The following CMTM8 variants were observed in gnomAD, a reference collection of about 807,000 sequenced individuals.
The protein encoded by CMTM8 is CKLF-like MARVEL transmembrane domain-containing protein 8.
A neutral mutation model predicts 18.6 loss-of-function variants in CMTM8; 12 were observed. The ratio of observed to expected loss-of-function variants is 0.65; its 90% CI spans 0.41 to 1.05. The LOEUF is 1.05. Ranked by LOEUF, CMTM8 falls within the 50% of genes least tolerant of loss-of-function variation. The pLI, the probability that CMTM8 is intolerant of heterozygous loss-of-function variation, is 0.00. For synonymous variants in CMTM8, 87 were observed against 90.6 expected (o/e 0.96, Z 0.23); for missense variants, 217 against 227.2 (o/e 0.95, Z 0.29).
chr3:32,280,173 G>A (rs892818325), intron 1 of CMTM8, among the ~76,000 whole-genome samples: 5 of 152,088 alleles, frequency 3.3e-5, no homozygotes, highest in Admixed American at 2.0e-4. Context: ...AGTCAATGTG[G>A]CCAGGCATAA....
chr3:32,247,060 C>T (rs1246712747), intron 1 of CMTM8, among the ~76,000 whole-genome samples: 5 of 152,034 alleles, frequency 3.3e-5, no homozygotes, highest in Non-Finnish European at 2.9e-5. Context: ...GAGATTGCAC[C>T]GCTGCACTCT....
At chr3:32,366,188 C>T (rs982923257) in intron 2 of CMTM8, among the ~76,000 whole-genome samples, 2 of 152,270 alleles carry the variant, frequency 1.3e-5, no homozygotes, top group Admixed American at 6.5e-5. Flanking sequence ...GTGTGGGGGG[C>T]GCACAGAGGG....
intron 1 of CMTM8, among the ~76,000 whole-genome samples, chr3:32,257,848 G>A (rs1175083966): frequency 6.6e-6 from 1 of 152,082 alleles, no homozygotes; most frequent in Non-Finnish European, 1.5e-5. Flanking sequence ...TCTGTACCTC[G>A]GCAGTGAATA....
At position 32,312,309 on chromosome 3, in the gene CMTM8, T is replaced by C. The variant is rs141899666; in HGVS notation, c.148-45064T>C. ...CATCCCTCAGATAAAAAGTTTCTTT[T>C]CTTTCTCAGTCCCCAGGTAATCCCA... On this transcript the variant is annotated intron_variant, in intron 1 of 3. Transcript: ENST00000307526. Among the ~76,000 whole-genome samples, 170 of 152,264 alleles carry C rather than the reference T, an allele frequency of 1.1e-3. No homozygotes were observed. In the East Asian group the frequency reaches 0.015, roughly 14 times the overall value.
intron 1 of CMTM8, among the ~76,000 whole-genome samples, chr3:32,310,557 G>A (rs368982933): frequency 2.0e-5 from 3 of 152,148 alleles, no homozygotes; most frequent in Admixed American, 6.5e-5. Context: ...TTCCTGCAGC[G>A]CGAGGAAGAA....
rs149964464 is a variant in CMTM8 at position 32,265,390 on chromosome 3, A to G, written c.147+26271A>G. On this transcript the variant is annotated intron_variant, in intron 1 of 3. Coordinates refer to ENST00000307526, the MANE Select transcript of CMTM8 (RefSeq NM_178868.5). ...ACGGAATGAAGGCAGAAATAAAGAT[A>G]TTCTTTGAAACCAACAAGAACAAAG... Among the ~76,000 whole-genome samples the G allele has an allele frequency of 6.0e-3, 907 of 151,580 alleles. 4 individuals carry two copies. The highest frequency in any genetic ancestry group is 0.021 in the African/African-American group (863 of 41,476).
chr3:32,268,740 T>C (rs1010961755), intron 1 of CMTM8, among the ~76,000 whole-genome samples: 1 of 152,200 alleles, frequency 6.6e-6, no homozygotes, highest in Non-Finnish European at 1.5e-5. Context: ...TTGATTTATG[T>C]TCCTATAGAC....
At position 32,347,727 on chromosome 3, in the gene CMTM8, C is replaced by T. The variant is rs111869845; in HGVS notation, c.148-9646C>T. Among the ~76,000 whole-genome samples, 896 of 152,190 alleles carry T rather than the reference C, an allele frequency of 5.9e-3. 14 individuals are homozygous for T. Among genetic ancestry groups the T allele is most frequent in the African/African-American group, 0.021 (854 of 41,528 alleles). On this transcript the variant is annotated intron_variant, in intron 1 of 3. Transcript: ENST00000307526. ...CTGTCATCTGTGGAATTCCTTTTGC[C>T]TTTCTGTTGGGTTGAATTCCTTGTT...
chr3:32,241,335 C>T (rs968573913), intron 1 of CMTM8, among the ~76,000 whole-genome samples: 2 of 152,196 alleles, frequency 1.3e-5, no homozygotes, highest in South Asian at 4.1e-4. Context: ...CCAAACACTT[C>T]TGATGGTTCA....
At chr3:32,348,398 G>C (rs983118814) in intron 1 of CMTM8, among the ~76,000 whole-genome samples, 3 of 151,892 alleles carry the variant, frequency 2.0e-5, no homozygotes, top group African/African-American at 7.3e-5. Flanking sequence ...CACTGTGCTG[G>C]GTACTTAGAG....
chr3:32,353,581 G>A (rs986513729), intron 1 of CMTM8, among the ~76,000 whole-genome samples: 1 of 152,132 alleles, frequency 6.6e-6, no homozygotes, highest in Non-Finnish European at 1.5e-5. Flanking sequence ...ATTACTGACT[G>A]AAAGAAGCAA....
At chr3:32,320,858 C>T (rs895305179) in intron 1 of CMTM8, among the ~76,000 whole-genome samples, 13 of 152,074 alleles carry the variant, frequency 8.5e-5, no homozygotes, top group East Asian at 1.9e-4. Flanking sequence ...ACCCATGAAA[C>T]GGTGGTGACT....
At chr3:32,307,240 T>C (rs1695731890) in intron 1 of CMTM8, among the ~76,000 whole-genome samples, 1 of 152,124 alleles carries the variant, frequency 6.6e-6, no homozygotes, top group Admixed American at 6.6e-5. Flanking sequence ...CTCGGGAGGC[T>C]GAGGCAAGAG....
intron 1 of CMTM8, among the ~76,000 whole-genome samples, chr3:32,249,578 T>C (rs1278932435): frequency 1.3e-5 from 2 of 152,320 alleles, no homozygotes; most frequent in East Asian, 3.9e-4. Flanking sequence ...ACCATCCTAG[T>C]GAATGTGAGA....
intron 1 of CMTM8, among the ~76,000 whole-genome samples, chr3:32,280,443 T>C (rs779800578): frequency 1.8e-4 from 27 of 152,038 alleles, no homozygotes; most frequent in Non-Finnish European, 2.9e-4. Flanking sequence ...ACTTTGTAAC[T>C]TCACTTCAGC....
chr3:32,263,740 C>A (rs1451422675), intron 1 of CMTM8, among the ~76,000 whole-genome samples: 1 of 152,194 alleles, frequency 6.6e-6, no homozygotes, highest in Admixed American at 6.5e-5. Flanking sequence ...ATAACCAATG[C>A]AGAGAAGTCC....
At position 32,265,648 on chromosome 3, in the gene CMTM8, A is replaced by G. The variant is rs557270723; in HGVS notation, c.147+26529A>G. 2.3e-4 allele frequency among the ~76,000 whole-genome samples: 34 copies of G among 147,760 alleles called. No homozygotes were observed. In the South Asian group the frequency reaches 4.4e-3, roughly 19 times the overall value. ...TAGAGACACAAAAAACCCTTCAAAA[A>G]ATCAATGAATCCAGGAGCTGTTTTT... On this transcript the variant is annotated intron_variant, in intron 1 of 3. Transcript: ENST00000307526.
rs537473158 is a variant in CMTM8 at position 32,238,845 on chromosome 3, G to T, written c.-128G>T. On this transcript the variant is annotated 5_prime_UTR_variant, in exon 1 of 4. Transcript: ENST00000307526. ...ACAGCCCCCGGCGGGCGCCCCCCTCGCACCTCCTGCCCCGCGCGGGCCGCG... is the reference window on the plus strand; with the variant it reads ...ACAGCCCCCGGCGGGCGCCCCCCTCTCACCTCCTGCCCCGCGCGGGCCGCG... 99 of 782,868 alleles carry T rather than the reference G, an allele frequency of 1.3e-4. 2 individuals are homozygous for T. In the South Asian group the frequency reaches 5.5e-3, roughly 43 times the overall value. The allele number at this position is 782,868 out of a possible 1,614,324, so 48.5% of individuals were successfully genotyped here. A position where few individuals can be genotyped will look rare whatever the true frequency, so the allele number is the denominator to read the frequency against.
At chr3:32,263,718 T>G (rs535000430) in intron 1 of CMTM8, among the ~76,000 whole-genome samples, 36 of 152,176 alleles carry the variant, frequency 2.4e-4, no homozygotes, top group African/African-American at 8.7e-4. Flanking sequence ...ATTAGACGAA[T>G]GGCTAACTAG....
Sources: allele counts gnomAD v4.1 joint callset (sites outside exome capture counted in the v4.1 genomes callset), GRCh38; gene constraint gnomAD v4.1.1; transcripts MANE v1.5; gene names NCBI Gene and HGNC (gene_info 2026-07-23, HGNC 2026-07-21).